The following MMS22L variants were observed in gnomAD, a reference collection of about 807,000 sequenced individuals.
The protein encoded by MMS22L is protein MMS22-like.
A neutral mutation model predicts 159.1 loss-of-function variants in MMS22L; 74 were observed. The ratio of observed to expected loss-of-function variants is 0.47; its 90% confidence interval spans 0.39 to 0.56. The LOEUF is 0.56. MMS22L is among the 20% of genes least tolerant of loss of function. The pLI is 0.00. For missense variants in MMS22L, 1,351 were observed against 1,422.1 expected (o/e 0.95, Z 0.80); for synonymous variants, 517 against 506.9 (o/e 1.02, Z -0.27).
chr6:97,196,761 A>C (rs900269078), intron 14 of MMS22L, among the ~76,000 whole-genome samples: 2 of 152,088 alleles, frequency 1.3e-5, no homozygotes, highest in African/African-American at 4.8e-5. Context: ...TTGTCTCTGA[A>C]ATATTTTCAT....
intron 11 of MMS22L, among the ~76,000 whole-genome samples, chr6:97,240,568 G>C (rs1811946487): frequency 6.6e-6 from 1 of 151,688 alleles, no homozygotes; most frequent in Non-Finnish European, 1.5e-5. Flanking sequence ...CTTTAGTGGT[G>C]ATTTCTAAGG....
At chr6:97,191,659 TC>T (rs1805878495) in intron 14 of MMS22L, among the ~76,000 whole-genome samples, 1 of 152,156 alleles carries the variant, frequency 6.6e-6, no homozygotes, top group African/African-American at 2.4e-5. Context: ...GAGTAATTAT[TC>T]CAAGTATCTT....
chr6:97,190,586 A>G (rs955535519), intron 14 of MMS22L, among the ~76,000 whole-genome samples: 2 of 152,232 alleles, frequency 1.3e-5, no homozygotes, highest in African/African-American at 4.8e-5. Context: ...AACATCCAGC[A>G]TTTACTGGTA....
chr6:97,232,209 A>G (rs1214125213), intron 12 of MMS22L, among the ~76,000 whole-genome samples: 1 of 152,050 alleles, frequency 6.6e-6, no homozygotes, highest in African/African-American at 2.4e-5. Flanking sequence ...ATAAGTTCTG[A>G]CTTTTTGTGA....
chr6:97,163,205 T>C (rs1388950564), intron 21 of MMS22L, among the ~76,000 whole-genome samples: 2 of 151,876 alleles, frequency 1.3e-5, no homozygotes, highest in Admixed American at 6.6e-5. Flanking sequence ...AACAAGAATA[T>C]AAAATTGAAT....
rs1179986912 is a variant in MMS22L, at chr6:97,273,081, A to G, written c.341-19T>C. The G allele has an allele frequency of 3.2e-6, 5 of 1,571,154 alleles. No individual in the cohort carries two copies. The highest frequency in any genetic ancestry group is 4.3e-6 in the Non-Finnish European group (5 of 1,159,198). On this transcript the variant is annotated intron_variant, in intron 4 of 24. Coordinates refer to ENST00000683635, the MANE Select transcript of MMS22L (RefSeq NM_001350599.2). ...ACCTTCCCTGAAACCAAAATAGACA[A>G]TGTTAATCATAGTTCAAATAATTAT... is the stretch of plus-strand genomic sequence containing the variant.
intron 14 of MMS22L, among the ~76,000 whole-genome samples, chr6:97,205,615 C>T (rs1807702416): frequency 6.6e-6 from 1 of 152,176 alleles, no homozygotes; most frequent in African/African-American, 2.4e-5. Context: ...CCCAACACTA[C>T]TTTTCTTAGA....
At chr6:97,164,121 T>A (rs1413353739) in intron 21 of MMS22L, among the ~76,000 whole-genome samples, 1 of 151,606 alleles carries the variant, frequency 6.6e-6, no homozygotes, top group African/African-American at 2.4e-5. Context: ...CTGACAATAG[T>A]CTAGGTATAA....
intron 14 of MMS22L, among the ~76,000 whole-genome samples, chr6:97,189,950 G>C (rs1484241043): frequency 6.6e-6 from 1 of 152,104 alleles, no homozygotes; most frequent in Non-Finnish European, 1.5e-5. Flanking sequence ...AATGCCAAGA[G>C]TGCACTGTAA....
chr6:97,277,548 AAC>A (rs148516763), intron 4 of MMS22L, among the ~76,000 whole-genome samples: 104 of 151,146 alleles, frequency 6.9e-4, no homozygotes, highest in African/African-American at 2.3e-3. Context: ...CTCCAAACAA[AAC>A]ACACACACAC....
chr6:97,171,173 T>A (rs1014462207), intron 19 of MMS22L, among the ~76,000 whole-genome samples: 20 of 152,220 alleles, frequency 1.3e-4, no homozygotes, highest in African/African-American at 4.1e-4. Context: ...ACCTGATACA[T>A]AATAATTGTT....
At chr6:97,148,536 CGT>C (rs1020133726) in intron 24 of MMS22L, among the ~76,000 whole-genome samples, 2 of 151,276 alleles carry the variant, frequency 1.3e-5, no homozygotes, top group South Asian at 2.1e-4. Context: ...CAGGCTAATG[CGT>C]GTGTGTCTTC....
At chr6:97,159,161 G>C (rs1266302231) in intron 22 of MMS22L, among the ~76,000 whole-genome samples, 1 of 150,214 alleles carries the variant, frequency 6.7e-6, no homozygotes, top group African/African-American at 2.5e-5. Context: ...CATTTGCTTG[G>C]TAAATCTTCC....
At chr6:97,201,206 T>A (rs2128300483) in intron 14 of MMS22L, among the ~76,000 whole-genome samples, 1 of 152,256 alleles carries the variant, frequency 6.6e-6, no homozygotes, top group Admixed American at 6.5e-5. Flanking sequence ...TGAATAATAA[T>A]GTAATAATAA....
chr6:97,195,543 T>C (rs1318022900), intron 14 of MMS22L, among the ~76,000 whole-genome samples: 1 of 152,328 alleles, frequency 6.6e-6, no homozygotes, highest in East Asian at 1.9e-4. Flanking sequence ...AGAATACAAA[T>C]GGTGTTCCAT....
intron 14 of MMS22L, among the ~76,000 whole-genome samples, chr6:97,214,691 T>TG (rs1480230206): frequency 7.4e-4 from 111 of 150,332 alleles, no homozygotes; most frequent in African/African-American, 2.0e-3. Context: ...TTTTGTTTTT[T>TG]TTTTTTTTTC....
At chr6:97,265,533 C>T (rs1815004264) in intron 8 of MMS22L, 1 of 151,470 alleles carries the variant, frequency 6.6e-6, no homozygotes, top group Non-Finnish European at 1.5e-5. Context: ...GAAATATCTG[C>T]AAAGCAAAGG....
chr6:97,230,007 G>T (rs2127997997), intron 13 of MMS22L, among the ~76,000 whole-genome samples: 1 of 152,246 alleles, frequency 6.6e-6, no homozygotes, highest in East Asian at 1.9e-4. Flanking sequence ...ATAGTTAATA[G>T]TTGACATTCT....
At position 97,272,925 on chromosome 6, in the gene MMS22L, A is replaced by G. The variant is rs1815892905; in HGVS notation, c.429-44T>C. On this transcript the variant is annotated intron_variant, in intron 5 of 24. Coordinates refer to ENST00000683635, the MANE Select transcript of MMS22L (RefSeq NM_001350599.2). ...AAATAAACAACTAGAGTCTGTGTGA[A>G]TACACACAGAAATTCATGCAGTGAT... The G allele has an allele frequency of 2.5e-6, 4 of 1,606,688 alleles. No homozygotes were observed. In the Admixed American group the frequency reaches 6.8e-5, roughly 27 times the overall value.
Sources: allele counts gnomAD v4.1 joint callset (sites outside exome capture counted in the v4.1 genomes callset), GRCh38; gene constraint gnomAD v4.1.1; transcripts MANE v1.5; gene names NCBI Gene and HGNC (gene_info 2026-07-23, HGNC 2026-07-21).